Variants in CPNE7 observed in about 807,000 individuals in gnomAD.
The protein encoded by CPNE7 is copine-7.
A neutral mutation model predicts 66.5 loss-of-function variants in CPNE7; 78 were observed. That is an observed-to-expected ratio of 1.17 (90% CI 0.98 to 1.42). The LOEUF is 1.42. Among genes scored for constraint, CPNE7 ranks in the 40% most tolerant of loss-of-function variants. The probability of loss-of-function intolerance (pLI) is 0.00; values close to 1 mark genes in which losing one functional copy is unlikely to be tolerated. For missense variants in CPNE7, 1,012 were observed against 776.6 expected (o/e 1.30, Z -3.60); for synonymous variants, 468 against 336.7 (o/e 1.39, Z -4.27).
intron 9 of CPNE7, 36 bp downstream of exon 9, chr16:89,587,138 G>A: frequency 1.7e-6 from 1 of 572,948 alleles, no homozygotes; most frequent in Non-Finnish European, 2.3e-6. Flanking sequence ...CGCCCCCTCA[G>A]TCCGTGGCCC....
intron 11 of CPNE7, among the ~76,000 whole-genome samples, chr16:89,590,745 C>CG: frequency 8.5e-6 from 1 of 118,146 alleles, no homozygotes; most frequent in Non-Finnish European, 1.7e-5. Flanking sequence ...ACATGGGGGC[C>CG]AGGTCGGGGG....
intron 2 of CPNE7, among the ~76,000 whole-genome samples, chr16:89,582,610 A>G (rs2058972941): frequency 6.6e-6 from 1 of 152,130 alleles, no homozygotes; most frequent in Admixed American, 6.5e-5. Flanking sequence ...TTGCACCCCT[A>G]AGAGAGCCTT....
chr16:89,582,485 G>A (rs1041722617), intron 2 of CPNE7, among the ~76,000 whole-genome samples: 13 of 152,214 alleles, frequency 8.5e-5, no homozygotes, highest in East Asian at 7.7e-4. Flanking sequence ...GCCGGCAGGC[G>A]AGTCCCAGGT....
intron 2 of CPNE7, among the ~76,000 whole-genome samples, chr16:89,582,770 C>T (rs1005210031): frequency 6.6e-6 from 1 of 152,256 alleles, no homozygotes; most frequent in African/African-American, 2.4e-5. Context: ...TGTATTCAAC[C>T]TACCTCATTG....
At chr16:89,582,240 C>T (rs901193332) in intron 2 of CPNE7, among the ~76,000 whole-genome samples, 2 of 152,238 alleles carry the variant, frequency 1.3e-5, no homozygotes, top group Non-Finnish European at 2.9e-5. Context: ...GACCTCTGAC[C>T]CCTGACTTCT....
At chr16:89,587,186 TCCCCG>T (rs1366932844) in intron 9 of CPNE7, 84 bp downstream of exon 9, 2 of 364,464 alleles carry the variant, frequency 5.5e-6, no homozygotes, top group African/African-American at 1.8e-4. Context: ...GCCCCGCCCC[TCCCCG>T]CCCCCTCAGT....
chr16:89,595,122 G>A (rs1372910984), intron 13 of CPNE7, among the ~76,000 whole-genome samples: 1 of 152,130 alleles, frequency 6.6e-6, no homozygotes, highest in East Asian at 1.9e-4. Context: ...CCCCTCCACA[G>A]CCCTCCGTGA....
chr16:89,587,216 A>AGTCCGTGGCCCCGCCCC (rs2151442009), intron 9 of CPNE7, 114 bp downstream of exon 9: 1 of 115,566 alleles, frequency 8.7e-6, no homozygotes. Flanking sequence ...GGCCCCGCCC[A>AGTCCGTGGCCCCGCCCC]TCCCCGCCCC....
chr16:89,576,112 G>A (rs770099669), intron 1 of CPNE7, 41 bp downstream of exon 1: 242 of 1,237,986 alleles, frequency 2.0e-4, no homozygotes, highest in Non-Finnish European at 2.3e-4. Context: ...CACCGGGCCG[G>A]GGCTGGCGCC....
At chr16:89,583,953 C>A in intron 3 of CPNE7, 75 bp from the exon 4 acceptor site, 8 of 1,561,460 alleles carry the variant, frequency 5.1e-6, no homozygotes, top group Non-Finnish European at 7.0e-6. Context: ...GTCAGCCAGC[C>A]TGGGGCCTCT....
In CPNE7 at chr16:89,595,502, A is replaced by C. The variant is rs777792188; in HGVS notation, c.1438A>C (p.Met480Leu). The C allele has an allele frequency of 1.9e-6, 3 of 1,612,646 alleles. No individual in the cohort carries two copies. Among genetic ancestry groups the C allele is most frequent in the Non-Finnish European group, 2.5e-6 (3 of 1,179,892 alleles). ...CGTGGGCAACGCCGACTTCACCGAC[A>C]TGCAGGTCCTGGACGGCGACGACGG... Reference protein sequence around the residue: ...VGVGNADFTDMQVLDGDDGVL... With the variant: ...VGVGNADFTDLQVLDGDDGVL... Residue 480 changes from methionine to leucine, a missense_variant, in exon 14 of 15, where the codon ATG (methionine) becomes CTG (leucine). Coordinates refer to ENST00000319518, the MANE Select transcript of CPNE7 (RefSeq NM_153636.3).
intron 7 of CPNE7, among the ~76,000 whole-genome samples, chr16:89,586,404 G>A (rs1049106202): frequency 2.7e-5 from 4 of 149,846 alleles, no homozygotes; most frequent in African/African-American, 9.7e-5. Context: ...AGGCCACCCT[G>A]GGCCCTGCTT....
Position 89,595,396 on chromosome 16 carries a change from C to T in CPNE7, c.1332C>T (p.Asp444=), listed in dbSNP as rs144641606. ...ACTACATCCTGCTGATCCTGACGGA[C>T]GGCGTGGTGACCGACATGGCCGACA... The part of the protein sequence containing the change: ...SQYYILLILT[D]GVVTDMADTR... Residue 444 remains aspartate, a synonymous_variant, in exon 14 of 15, where the codon GAC becomes GAT. Transcript: ENST00000319518. 8.0e-4 allele frequency: 1,270 copies of T among 1,591,492 alleles called. 7 individuals carry two copies. In the African/African-American group the frequency reaches 0.014, roughly 18 times the overall value.
Position 89,596,729 on chromosome 16 carries a change from A to C in CPNE7, c.*108A>C. On this transcript the variant is annotated 3_prime_UTR_variant, in exon 15 of 15. Transcript: ENST00000319518. ...TCCCTCCGACCTCCCAGAAGCCTCC[A>C]GTCCCCACCAGGCCCCACTCCCAGT... 1 of 1,273,900 alleles carries C rather than the reference A, an allele frequency of 7.8e-7. No individual in the cohort carries two copies. The allele number at this position is 1,273,900 out of a possible 1,614,324, so 78.9% of individuals were successfully genotyped here. A position where few individuals can be genotyped will look rare whatever the true frequency, so the allele number is the denominator to read the frequency against.
chr16:89,577,189 C>T (rs1010584054), intron 1 of CPNE7, among the ~76,000 whole-genome samples: 2 of 152,190 alleles, frequency 1.3e-5, no homozygotes, highest in African/African-American at 2.4e-5. Flanking sequence ...CTGTACCCTA[C>T]GCCCCCTCCC....
In CPNE7 at chr16:89,587,212, G is replaced by GC. The variant is rs1248263565; in HGVS notation, c.927+113dup. On this transcript the variant is annotated intron_variant, in intron 9 of 14. Coordinates refer to ENST00000319518, the MANE Select transcript of CPNE7 (RefSeq NM_153636.3). ...CCCCGCCCCCTCAGTCTGTGGCCCC[G>GC]CCCATCCCCGCCCCCTCAGTCCGTG... 1.2e-4 allele frequency: 48 copies of GC among 413,638 alleles called. No homozygotes were observed. The East Asian group carries it at 1.7e-3, about 15-fold the overall frequency. 25.6% of individuals were successfully genotyped at this position (413,638 alleles called of 1,614,324 possible). A position where few individuals can be genotyped will look rare whatever the true frequency, so the allele number is the denominator to read the frequency against.
At chr16:89,594,949 G>C (rs2059230410) in intron 13 of CPNE7, among the ~76,000 whole-genome samples, 1 of 152,110 alleles carries the variant, frequency 6.6e-6, no homozygotes, top group Non-Finnish European at 1.5e-5. Context: ...ACCGCGTCCG[G>C]CCAACACTCA....
In CPNE7 at chr16:89,595,615, G is replaced by A; in HGVS notation, c.1539+12G>A. The A allele has an allele frequency of 6.3e-7, 1 of 1,592,830 alleles. No individual in the cohort carries two copies. Among genetic ancestry groups the A allele is most frequent in the South Asian group, 1.1e-5 (1 of 89,772 alleles). ...GGGAGCTCAAGAACGTGAGTGTCCT[G>A]GAGGGGCTCCGTCAAGGCCGGCTTG... On this transcript the variant is annotated intron_variant, in intron 14 of 14. Transcript: ENST00000319518.
intron 10 of CPNE7, among the ~76,000 whole-genome samples, chr16:89,589,190 G>A (rs1354670137): frequency 6.6e-6 from 1 of 152,228 alleles, no homozygotes; most frequent in Admixed American, 6.5e-5. Flanking sequence ...TACTCAGGAG[G>A]CTGAGGCAGG....
Sources: allele counts gnomAD v4.1 joint callset (sites outside exome capture counted in the v4.1 genomes callset), GRCh38; gene constraint gnomAD v4.1.1; transcripts MANE v1.5; gene names NCBI Gene and HGNC (gene_info 2026-07-23, HGNC 2026-07-21).